Variants in LPIN1 observed in about 807,000 individuals in gnomAD.
LPIN1 encodes lipin 1, also known as phosphatidate phosphatase LPIN1.
Under a neutral mutation model 107.5 loss-of-function variants are expected in LPIN1, and 71 were observed. That is an observed-to-expected ratio of 0.66 (90% CI 0.55 to 0.80). The LOEUF is 0.80. Ranked by LOEUF, LPIN1 falls within the 30% of genes least tolerant of loss-of-function variation. The pLI is 0.00. For missense variants in LPIN1, 1,043 were observed against 1,160.6 expected, an observed-to-expected ratio of 0.90 and a Z score of 1.47; for synonymous variants, 445 against 452.6, an observed-to-expected ratio of 0.98 and a Z score of 0.21.
At chr2:11,815,484 C>T (rs1165088524) in intron 18 of LPIN1, among the ~76,000 whole-genome samples, 2 of 152,120 alleles carry the variant, frequency 1.3e-5, no homozygotes, top group East Asian at 1.9e-4. Flanking sequence ...CTGCGCCTCC[C>T]CTCCTCTCCA....
chr2:11,793,022 C>G (rs947116569), intron 13 of LPIN1, among the ~76,000 whole-genome samples: 1 of 152,186 alleles, frequency 6.6e-6, no homozygotes, highest in Non-Finnish European at 1.5e-5. Context: ...CCATTTTTGT[C>G]TCCAAACCAG....
upstream of LPIN1, chr2:11,746,575 C>T (rs1482712242): frequency 3.3e-6 from 3 of 919,582 alleles, no homozygotes; most frequent in Non-Finnish European, 3.9e-6. Flanking sequence ...TGCCCTCTGC[C>T]CCCGCCCCTG....
rs1357456801 is a variant in LPIN1 at position 11,824,915 on chromosome 2, A to T, written c.*124A>T. Reference sequence around the variant, plus strand: ...CGCGTCATCATTGGCCTGACAGCAGAGAGAATTGAGAAGCATTTCTCCCCT... The same window carrying T: ...CGCGTCATCATTGGCCTGACAGCAGTGAGAATTGAGAAGCATTTCTCCCCT... On this transcript the variant is annotated 3_prime_UTR_variant, in exon 21 of 21. Transcript: ENST00000674199. 2.4e-5 allele frequency: 27 copies of T among 1,111,556 alleles called. No homozygotes were observed. The highest frequency in any genetic ancestry group is 3.1e-5 in the African/African-American group (2 of 64,898). The allele number at this position is 1,111,556 out of a possible 1,614,324, so 68.9% of individuals were successfully genotyped here.
intron 2 of LPIN1, among the ~76,000 whole-genome samples, chr2:11,714,739 G>A (rs1334813730): frequency 1.3e-5 from 2 of 152,234 alleles, no homozygotes; most frequent in African/African-American, 2.4e-5. Flanking sequence ...GGAATGCTTA[G>A]TGTCCCTACT....
At chr2:11,683,352 C>T (rs1010951023) in intron 1 of LPIN1, 1 of 152,176 alleles carries the variant, frequency 6.6e-6, no homozygotes, top group African/African-American at 2.4e-5. Flanking sequence ...ATTTTGTCTT[C>T]TGATATTTAA....
exon 2 of LPIN1, chr2:11,713,809 T>G: frequency 2.0e-6 from 3 of 1,517,780 alleles, no homozygotes; most frequent in Non-Finnish European, 1.8e-6. Context: ...CTTCAAACAT[T>G]AACGTGAGTG....
chr2:11,777,699 T>G (rs2148647506), intron 6 of LPIN1, among the ~76,000 whole-genome samples: 1 of 152,354 alleles, frequency 6.6e-6, no homozygotes, highest in Non-Finnish European at 1.5e-5. Context: ...GCCACTGGGC[T>G]CTTTACAGAA....
chr2:11,733,749 C>T (rs564293442), intron 1 of LPIN1, among the ~76,000 whole-genome samples: 1 of 152,330 alleles, frequency 6.6e-6, no homozygotes, highest in Admixed American at 6.5e-5. Context: ...GCCTCGGCCT[C>T]CCAAAGTGCT....
At chr2:11,678,355 G>C (rs1455813175) in intron 1 of LPIN1, among the ~76,000 whole-genome samples, 1 of 152,210 alleles carries the variant, frequency 6.6e-6, no homozygotes, top group Non-Finnish European at 1.5e-5. Flanking sequence ...GAGTGGCAGT[G>C]AGTCCCGAGG....
At chr2:11,812,145 T>C (rs1421239141) in intron 17 of LPIN1, among the ~76,000 whole-genome samples, 4 of 152,238 alleles carry the variant, frequency 2.6e-5, no homozygotes, top group Non-Finnish European at 5.9e-5. Flanking sequence ...ACAAATCCAT[T>C]GGCCATTATA....
intron 20 of LPIN1, among the ~76,000 whole-genome samples, chr2:11,822,861 T>G (rs75505256): frequency 2.0e-5 from 3 of 152,202 alleles, no homozygotes; most frequent in African/African-American, 7.2e-5. Flanking sequence ...GGTCATTGCA[T>G]TGACTGAGGC....
At chr2:11,790,985 T>TA (rs1035290028) in intron 12 of LPIN1, among the ~76,000 whole-genome samples, 259 of 152,132 alleles carry the variant, frequency 1.7e-3, no homozygotes, top group African/African-American at 6.0e-3. Context: ...TTTCTTTTTT[T>TA]AAAAAAAATG....
rs1305213052 is a variant in LPIN1, at chr2:11,795,423, C to T, written c.1822C>T (p.Gln608Ter). ...TTIKEESKPE[Q>*]CLAGKAHSTG... The stretch of plus-strand genomic sequence containing the variant: ...TCTTTTCTAGGAAAGTAAGCCAGAG[C>T]AGTGCTTGGCTGGCAAGGCCCATAG... Residue 608 changes from glutamine to a stop codon, truncating the protein, a stop_gained, in exon 14 of 21, where the codon CAG becomes TAG. Transcript: ENST00000674199. LOFTEE classifies it high-confidence loss of function. The T allele has an allele frequency of 6.2e-7, 1 of 1,613,856 alleles. No individual in the cohort carries two copies. The highest frequency in any genetic ancestry group is 8.5e-7 in the Non-Finnish European group (1 of 1,179,830).
In LPIN1 at chr2:11,804,522, A is replaced by C; in HGVS notation, c.2113A>C (p.Asn705His). ...CTGTGAGGGCACCATCTATCTGTGG[A>C]ACTGGGATGATAAAGTCATCATTTC... ...CRCEGTIYLW[N>H]WDDKVIISDI... Residue 705 changes from asparagine (N) to histidine (H), a missense_variant, in exon 16 of 21, where the codon AAC becomes CAC. Physicochemically the swap from Asn to His is moderately conservative, Grantham distance 68 (BLOSUM62 1). Coordinates refer to ENST00000674199, the MANE Select transcript of LPIN1 (RefSeq NM_001349206.2). The C allele has an allele frequency of 6.2e-7, 1 of 1,614,194 alleles. No individual in the cohort carries two copies. The highest frequency in any genetic ancestry group is 8.5e-7 in the Non-Finnish European group (1 of 1,180,042).
At chr2:11,755,690 A>G (rs544656217) in intron 1 of LPIN1, among the ~76,000 whole-genome samples, 2 of 151,790 alleles carry the variant, frequency 1.3e-5, no homozygotes, top group African/African-American at 2.4e-5. Context: ...TTTGAGGGGT[A>G]ATTATTGTTC....
At chr2:11,724,989 G>A (rs546582593) in intron 1 of LPIN1, among the ~76,000 whole-genome samples, 13 of 152,320 alleles carry the variant, frequency 8.5e-5, no homozygotes, top group African/African-American at 2.6e-4. Context: ...GTGGCCGGGC[G>A]CGGTGGCTCA....
intron 18 of LPIN1, chr2:11,819,256 C>G (rs2716610): frequency 1.9e-6 from 1 of 532,722 alleles, no homozygotes. Flanking sequence ...CCAGGATAAC[C>G]CTTGGTGAAA....
At position 11,803,478 on chromosome 2, in the gene LPIN1, C is replaced by G. The variant is rs1316076362; in HGVS notation, c.2013+445C>G. ...CAGGTAACCAGGGGCATCACCTGGT[C>G]ATGGTGTCCTTTTATTTTTCTGTGT... On this transcript the variant is annotated intron_variant, in intron 15 of 20. Transcript: ENST00000674199. The surrounding 1 kb of genome is among the most constrained non-coding windows in gnomAD (Gnocchi z 4.2). 6.6e-6 allele frequency among the ~76,000 whole-genome samples: 1 copy of G among 152,182 alleles called. No homozygotes were observed. The highest frequency in any genetic ancestry group is 1.5e-5 in the Non-Finnish European group (1 of 68,032).
At chr2:11,688,384 G>A (rs1662111993) in intron 1 of LPIN1, among the ~76,000 whole-genome samples, 1 of 152,178 alleles carries the variant, frequency 6.6e-6, no homozygotes, top group Non-Finnish European at 1.5e-5. Flanking sequence ...GGAGTTGCAG[G>A]CTAGAATTCT....
Sources: allele counts gnomAD v4.1 joint callset (sites outside exome capture counted in the v4.1 genomes callset), GRCh38; gene constraint gnomAD v4.1.1; non-coding constraint Gnocchi (gnomAD v3.1); transcripts MANE v1.5; gene names NCBI Gene and HGNC (gene_info 2026-07-23, HGNC 2026-07-21).